DEFB1: variants seen among roughly 807,000 people sequenced by gnomAD.
DEFB1 encodes the protein beta-defensin 1.
In DEFB1, 4 loss-of-function variants were observed where a neutral mutation model predicts 2.6. The observed-to-expected ratio is 1.53, with a 90% CI of 0.76 to 3.51. The LOEUF is 3.51. Among genes scored for constraint, DEFB1 ranks in the 30% most tolerant of loss-of-function variants. The pLI, the probability that DEFB1 is intolerant of heterozygous loss-of-function variation, is 0.01. For missense variants in DEFB1, 162 were observed against 76.9 expected, an observed-to-expected ratio of 2.11 and a Z score of -4.14; for synonymous variants, 56 against 28.5, an observed-to-expected ratio of 1.96 and a Z score of -3.07.
chr8:6,870,829 G>C lies in DEFB1; in HGVS notation c.62-3C>G, dbSNP rs1422912669. The stretch of plus-strand genomic sequence containing the variant: ...AAGGCCTGTGAGAAAGTTACCACCT[G>C]TAAGGAGGGAACACAAACACTTCAG... On this transcript the variant is annotated splice_region_variant and splice_polypyrimidine_tract_variant and intron_variant, in intron 1 of 1. Transcript: ENST00000297439. The C allele has an allele frequency of 3.2e-5, 52 of 1,610,720 alleles. No individual in the cohort carries two copies. The highest frequency in any genetic ancestry group is 4.3e-5 in the Non-Finnish European group (51 of 1,178,768).
At chr8:6,875,487 C>A (rs1806489707) in intron 1 of DEFB1, among the ~76,000 whole-genome samples, 1 of 152,082 alleles carries the variant, frequency 6.6e-6, no homozygotes. Flanking sequence ...CAAAAAATAA[C>A]CCAGTTGCCT....
chr8:6,875,321 G>A (rs962162117), intron 1 of DEFB1, among the ~76,000 whole-genome samples: 2 of 152,110 alleles, frequency 1.3e-5, no homozygotes, highest in Admixed American at 1.3e-4. Context: ...TTTCCATTAA[G>A]AGAGTGAAAA....
chr8:6,875,128 G>A (rs2977773), intron 1 of DEFB1, among the ~76,000 whole-genome samples: 124,005 of 150,614 alleles, frequency 0.82, 51,257 homozygotes, highest in Middle Eastern at 0.89. Context: ...CAGATGGATT[G>A]TAAGTCTAAA....
chr8:6,877,165 T>G (rs2702945), intron 1 of DEFB1, among the ~76,000 whole-genome samples: 2 of 152,202 alleles, frequency 1.3e-5, no homozygotes, highest in Admixed American at 6.5e-5. Flanking sequence ...CGATTCCTCC[T>G]GCACGTCCCA....
chr8:6,877,770 G>C, intron 1 of DEFB1, 27 bp downstream of exon 1: 2 of 1,605,518 alleles, frequency 1.2e-6, no homozygotes, highest in Non-Finnish European at 1.7e-6. Context: ...CTGGGGATGG[G>C]AAACTCTTGC....
At chr8:6,874,807 C>T (rs1266399052) in intron 1 of DEFB1, among the ~76,000 whole-genome samples, 2 of 151,992 alleles carry the variant, frequency 1.3e-5, no homozygotes, top group Non-Finnish European at 2.9e-5. Context: ...CATGGTGAAA[C>T]CTGCTCTCTA....
At chr8:6,877,394 G>T (rs540336376) in intron 1 of DEFB1, among the ~76,000 whole-genome samples, 3 of 152,252 alleles carry the variant, frequency 2.0e-5, no homozygotes. Flanking sequence ...CCTGTACCAG[G>T]GCACCCCAGG....
At chr8:6,875,539 A>T (rs1806492621) in intron 1 of DEFB1, among the ~76,000 whole-genome samples, 1 of 152,218 alleles carries the variant, frequency 6.6e-6, no homozygotes, top group African/African-American at 2.4e-5. Context: ...TTTATCAGGG[A>T]AATGCAGATT....
At chr8:6,870,868 A>G (rs1806287212) in intron 1 of DEFB1, 42 bp from the exon 2 acceptor site, 1 of 1,568,158 alleles carries the variant, frequency 6.4e-7, no homozygotes, top group Non-Finnish European at 8.6e-7. Context: ...CATGGCTTGT[A>G]GCTGCAACGA....
chr8:6,877,403 G>A (rs1008918425), intron 1 of DEFB1, among the ~76,000 whole-genome samples: 1 of 152,250 alleles, frequency 6.6e-6, no homozygotes, highest in South Asian at 2.1e-4. Context: ...GGGCACCCCA[G>A]GAGGCTGCAC....
Position 6,877,785 on chromosome 8 carries a change from A to G in DEFB1, c.61+12T>C, listed in dbSNP as rs182089962. ...CTGGGGATGGGAAACTCTTGCAGGT[A>G]CCAGAGCTTACCTGAGGCCATCTCA... On this transcript the variant is annotated intron_variant, in intron 1 of 1. Transcript: ENST00000297439. 5.4e-5 allele frequency: 87 copies of G among 1,612,330 alleles called. No individual in the cohort carries two copies. The highest frequency in any genetic ancestry group is 1.2e-4 in the Admixed American group (7 of 60,002).
At position 6,870,838 on chromosome 8, in the gene DEFB1, G is replaced by T. The variant is rs1463891035; in HGVS notation, c.62-12C>A. 3 of 1,607,816 alleles carry T rather than the reference G, an allele frequency of 1.9e-6. No individual in the cohort carries two copies. Among genetic ancestry groups the T allele is most frequent in the Non-Finnish European group, 2.5e-6 (3 of 1,177,340 alleles). On this transcript the variant is annotated splice_polypyrimidine_tract_variant and intron_variant, in intron 1 of 1. Transcript: ENST00000297439. ...GAGAAAGTTACCACCTGTAAGGAGG[G>T]AACACAAACACTTCAGACTCATGGC...
chr8:6,870,923 C>T (rs368957997), intron 1 of DEFB1, 97 bp from the exon 2 acceptor site: 53 of 1,328,222 alleles, frequency 4.0e-5, no homozygotes, highest in South Asian at 2.8e-4. Flanking sequence ...TGCAAAACAC[C>T]GGAGAGTCTT....
At chr8:6,871,327 G>A (rs1008184779) in intron 1 of DEFB1, among the ~76,000 whole-genome samples, 2 of 152,014 alleles carry the variant, frequency 1.3e-5, no homozygotes, top group Non-Finnish European at 2.9e-5. Context: ...GTTTCACATC[G>A]GGCTGAAATT....
rs1453687415 is a variant in DEFB1, at chr8:6,873,227, A to AAAGACC, written c.62-2407_62-2402dup. ...ATGTCCCCAGAGCATGTAGCTGGTC[A>AAAGACC]AAGACCAACCCCGGACCAGAATGGA... is the stretch of plus-strand genomic sequence containing the variant. On this transcript the variant is annotated intron_variant, in intron 1 of 1. Transcript: ENST00000297439. Among the ~76,000 whole-genome samples, 2 of 152,214 alleles carry AAAGACC rather than the reference A, an allele frequency of 1.3e-5. 1 individual carries two copies.
chr8:6,877,787 C>T lies in DEFB1; in HGVS notation c.61+10G>A, dbSNP rs778213734. 1.9e-6 allele frequency: 3 copies of T among 1,612,426 alleles called. No individual in the cohort carries two copies. The highest frequency in any genetic ancestry group is 4.5e-5 in the East Asian group (2 of 44,840). ...GGGGATGGGAAACTCTTGCAGGTACCAGAGCTTACCTGAGGCCATCTCAGA... is the reference window on the plus strand; with the variant it reads ...GGGGATGGGAAACTCTTGCAGGTACTAGAGCTTACCTGAGGCCATCTCAGA... On this transcript the variant is annotated intron_variant, in intron 1 of 1. Transcript: ENST00000297439.
intron 1 of DEFB1, among the ~76,000 whole-genome samples, chr8:6,874,549 C>G (rs185530913): frequency 4.7e-4 from 71 of 152,232 alleles, no homozygotes; most frequent in Non-Finnish European, 7.8e-4. Context: ...GTAATTAAGG[C>G]AATGTGCTTA....
Position 6,877,793 on chromosome 8 carries a change from T to G in DEFB1, c.61+4A>C. The stretch of plus-strand genomic sequence containing the variant: ...GGGAAACTCTTGCAGGTACCAGAGC[T>G]TACCTGAGGCCATCTCAGACAAAAG... On this transcript the variant is annotated splice_donor_region_variant and intron_variant, in intron 1 of 1. Transcript: ENST00000297439. 1 of 1,613,336 alleles carries G rather than the reference T, an allele frequency of 6.2e-7. No homozygotes were observed.
chr8:6,875,106 A>G (rs867644715), intron 1 of DEFB1, among the ~76,000 whole-genome samples: 1 of 134,204 alleles, frequency 7.5e-6, no homozygotes, highest in Non-Finnish European at 1.6e-5. Context: ...ACACACACAC[A>G]CACCCCATTG....
Sources: allele counts gnomAD v4.1 joint callset (sites outside exome capture counted in the v4.1 genomes callset), GRCh38; gene constraint gnomAD v4.1.1; transcripts MANE v1.5; gene names NCBI Gene and HGNC (gene_info 2026-07-23, HGNC 2026-07-21).